ACHE: variants seen among roughly 807,000 people sequenced by gnomAD.
ACHE encodes acetylcholinesterase (Yt blood group).
Under a neutral mutation model 53.9 loss-of-function variants are expected in ACHE, and 19 were observed. The observed-to-expected ratio is 0.35, with a 90% CI of 0.25 to 0.52. ACHE has a LOEUF of 0.52. Among genes scored for constraint, ACHE ranks in the 20% least tolerant of loss-of-function variants. The pLI, the probability that ACHE is intolerant of heterozygous loss-of-function variation, is 0.95. For missense variants in ACHE, 605 were observed against 849.4 expected, an observed-to-expected ratio of 0.71 and a Z score of 3.58; for synonymous variants, 392 against 378.1, an observed-to-expected ratio of 1.04 and a Z score of -0.43.
rs759433237 is a variant in ACHE, at chr7:100,894,127, C to G, written c.106G>C (p.Asp36His). 4 of 1,491,230 alleles carry G rather than the reference C, an allele frequency of 2.7e-6. No individual in the cohort carries two copies. The highest frequency in any genetic ancestry group is 1.4e-5 in the South Asian group (1 of 73,978). 92.4% of individuals were successfully genotyped at this position (1,491,230 alleles called of 1,614,324 possible). A position where few individuals can be genotyped will look rare whatever the true frequency, so the allele number is the denominator to read the frequency against. The change falls in exon 2 of 5, where the codon GAT (aspartate) becomes CAT (histidine). Residue 36 changes from aspartate to histidine, a missense_variant. Transcript: ENST00000241069. ...GGGVGAEGRE[D>H]AELLVTVRGG... ...CGCACCGTCACCAGCAGCTCTGCAT[C>G]CTCCCGGCCCTCAGCCCCCACTCCT...
At chr7:100,891,958 TTTTTTC>T (rs1265210624) in intron 3 of ACHE, among the ~76,000 whole-genome samples, 2 of 151,944 alleles carry the variant, frequency 1.3e-5, no homozygotes, top group Non-Finnish European at 2.9e-5. Flanking sequence ...GTTTTGTATT[TTTTTTC>T]TTTTTAAGAG....
Position 100,892,185 on chromosome 7 carries a change from TTTATC to T in ACHE, c.1553+144_1553+148del. On this transcript the variant is annotated intron_variant, in intron 3 of 4. Coordinates refer to ENST00000241069, the MANE Select transcript of ACHE (RefSeq NM_000665.5). The surrounding 1 kb of genome is among the most constrained non-coding windows in gnomAD (Gnocchi z 5.2). ...TGTCTCCTTTCTTTTTCTCTCCCCT[TTTATC>T]TACTTTGTGAGCATATCCCTCTCTG... 1 of 1,027,596 alleles carries T rather than the reference TTTATC, an allele frequency of 9.7e-7. No homozygotes were observed. The highest frequency in any genetic ancestry group is 3.7e-5 in the South Asian group (1 of 27,368). The allele number at this position is 1,027,596 out of a possible 1,614,324, so 63.7% of individuals were successfully genotyped here.
rs1160862829 is a variant in ACHE at position 100,890,277 on chromosome 7, G to A, written c.1782C>T (p.Tyr594=). 5 of 1,612,106 alleles carry A rather than the reference G, an allele frequency of 3.1e-6. No individual in the cohort carries two copies. The highest frequency in any genetic ancestry group is 2.7e-5 in the African/African-American group (2 of 74,924). The stretch of plus-strand genomic sequence containing the variant: ...CGAACTGGTTCTTCCAGTGCACCAT[G>A]TAGGAGCTCCAGCGGTGGAACTCGG... ...WKAEFHRWSS[Y]MVHWKNQFDH... is the part of the protein sequence containing the mutation. Residue 594 remains tyrosine (Y), a synonymous_variant, in exon 5 of 5, where the codon TAC becomes TAT. Transcript: ENST00000241069.
chr7:100,896,653 G>A, upstream of ACHE: 1 of 304,102 alleles, frequency 3.3e-6, no homozygotes, highest in Non-Finnish European at 6.9e-6. Context: ...GGGTGGGTCT[G>A]TGCTGGTTCC....
At chr7:100,891,508 C>T (rs1790695377) in intron 3 of ACHE, among the ~76,000 whole-genome samples, 170 bp from the exon 4 acceptor site, 1 of 152,054 alleles carries the variant, frequency 6.6e-6, no homozygotes, top group African/African-American at 2.4e-5. Flanking sequence ...CTTCCTCAAG[C>T]GCTCCGTCTC....
In ACHE at chr7:100,892,956, A is replaced by G; in HGVS notation, c.1069-138T>C. 1 of 1,274,842 alleles carries G rather than the reference A, an allele frequency of 7.8e-7. No homozygotes were observed. The highest frequency in any genetic ancestry group is 1.1e-6 in the Non-Finnish European group (1 of 946,774). The allele number at this position is 1,274,842 out of a possible 1,614,324, so 79.0% of individuals were successfully genotyped here. A position where few individuals can be genotyped will look rare whatever the true frequency, so the allele number is the denominator to read the frequency against. On this transcript the variant is annotated intron_variant, in intron 2 of 4. Transcript: ENST00000241069. The surrounding 1 kb of genome is among the most constrained non-coding windows in gnomAD (Gnocchi z 5.2). The stretch of plus-strand genomic sequence containing the variant: ...CCATGGACAGAGAGAGGACGAGATC[A>G]GGGGAGGGATGCAGAGAAAGAGAAA...
In ACHE at chr7:100,893,308, C is replaced by G. The variant is rs1221868830; in HGVS notation, c.925G>C (p.Ala309Pro). Reference protein sequence around the residue: ...ELVACLRTRPAQVLVNHEWHV... With the variant: ...ELVACLRTRPPQVLVNHEWHV... ...CATTCGTGGTTCACCAGGACCTGCG[C>G]TGGTCGTGTCCGAAGGCAGGCTACC... is the stretch of plus-strand genomic sequence containing the variant. The change falls in exon 2 of 5, where the codon GCG (alanine) becomes CCG (proline). Residue 309 changes from alanine to proline, a missense_variant. By Grantham distance (27) the Ala-to-Pro change is conservative (BLOSUM62 -1). Transcript: ENST00000241069. 2.5e-6 allele frequency: 4 copies of G among 1,613,992 alleles called. No individual in the cohort carries two copies. The highest frequency in any genetic ancestry group is 3.4e-6 in the Non-Finnish European group (4 of 1,180,016).
chr7:100,896,945 G>A (rs999140827), upstream of ACHE: 1 of 151,454 alleles, frequency 6.6e-6, no homozygotes, highest in Non-Finnish European at 1.5e-5. Context: ...AGGAGCCCCC[G>A]AGACCCCGCG....
chr7:100,890,179 C>T lies in ACHE; in HGVS notation c.*35G>A. Reference sequence around the variant, plus strand: ...TAAATAGTATATACAGCTAGGGGGCCGGGCGGAGCGGAGGACATGGGGGTC... The same window carrying T: ...TAAATAGTATATACAGCTAGGGGGCTGGGCGGAGCGGAGGACATGGGGGTC... On this transcript the variant is annotated 3_prime_UTR_variant, in exon 5 of 5. Transcript: ENST00000241069. The T allele has an allele frequency of 1.9e-6, 3 of 1,611,652 alleles. No individual in the cohort carries two copies. Among genetic ancestry groups the T allele is most frequent in the East Asian group, 4.5e-5 (2 of 44,766 alleles).
intron 2 of ACHE, 38 bp downstream of exon 2, chr7:100,893,127 C>G: frequency 6.3e-7 from 1 of 1,599,090 alleles, no homozygotes; most frequent in Middle Eastern, 1.7e-4. Flanking sequence ...CGTTGGGACC[C>G]AGAGGAGCCA....
intron 3 of ACHE, 110 bp from the exon 4 acceptor site, chr7:100,891,448 C>T (rs994297675): frequency 7.4e-5 from 81 of 1,088,168 alleles, no homozygotes; most frequent in Non-Finnish European, 9.6e-5. Flanking sequence ...GAGAACCCGT[C>T]CCCTCCCTCC....
rs903399345 is a variant in ACHE at position 100,892,341 on chromosome 7, G to T, written c.1546C>A (p.Arg516Ser). The change falls in exon 3 of 5, where the codon CGC (arginine) becomes AGC (serine). Residue 516 changes from arginine to serine, a missense_variant. This residue lies in a region of ACHE where 91 missense variants were observed against 83.2 expected (regional missense o/e 1.09). Transcript: ENST00000241069. The surrounding 1 kb of genome is among the most constrained non-coding windows in gnomAD (Gnocchi z 5.2). ...TCCCTCTGCACTGCTGACCCTGTGC[G>T]GGCAAAGTTGGCCCAGTATCGCATC... ...RLMRYWANFARTGDPNEPRDP... is the reference protein window; with the variant it reads ...RLMRYWANFASTGDPNEPRDP... 2.0e-6 allele frequency: 3 copies of T among 1,511,488 alleles called. No individual in the cohort carries two copies. Among genetic ancestry groups the T allele is most frequent in the Non-Finnish European group, 2.7e-6 (3 of 1,127,946 alleles). 93.6% of individuals were successfully genotyped at this position (1,511,488 alleles called of 1,614,324 possible). A position where few individuals can be genotyped will look rare whatever the true frequency, so the allele number is the denominator to read the frequency against.
chr7:100,891,698 G>A (rs11974682), intron 3 of ACHE, among the ~76,000 whole-genome samples: 1,617 of 151,866 alleles, frequency 0.011, 14 homozygotes, highest in African/African-American at 0.036. Context: ...AGGTAAACTG[G>A]TGTGTGTGTG....
At position 100,890,197 on chromosome 7, in the gene ACHE, TGGGGGTCCCGCC is replaced by T; in HGVS notation, c.*5_*16del. 1 of 1,613,182 alleles carries T rather than the reference TGGGGGTCCCGCC, an allele frequency of 6.2e-7. No individual in the cohort carries two copies. Among genetic ancestry groups the T allele is most frequent in the Non-Finnish European group, 8.5e-7 (1 of 1,179,402 alleles). ...AGGGGGCCGGGCGGAGCGGAGGACA[TGGGGGTCCCGCC>T]GGGGTCACAGGTCTGAGCAGCGATC... On this transcript the variant is annotated 3_prime_UTR_variant, in exon 5 of 5. Coordinates refer to ENST00000241069, the MANE Select transcript of ACHE (RefSeq NM_000665.5).
intron 1 of ACHE, 107 bp from the exon 2 acceptor site, chr7:100,894,359 T>G (rs1584777254): frequency 4.4e-5 from 30 of 686,332 alleles, no homozygotes; most frequent in South Asian, 2.4e-4. Context: ...GCAGAGGAGG[T>G]GGGGCAGGTT....
In ACHE at chr7:100,893,989, C is replaced by G; in HGVS notation, c.244G>C (p.Glu82Gln). Reference protein sequence around the residue: ...PMGPRRFLPPEPKQPWSGVVD... With the variant: ...PMGPRRFLPPQPKQPWSGVVD... Reference sequence around the variant, plus strand: ...ACCCCTGACCAAGGCTGCTTGGGCTCCGGTGGCAGAAAGCGACGGGGTCCC... The same window carrying G: ...ACCCCTGACCAAGGCTGCTTGGGCTGCGGTGGCAGAAAGCGACGGGGTCCC... Residue 82 changes from glutamate (E) to glutamine (Q), a missense_variant, in exon 2 of 5, where the codon GAG becomes CAG. By Grantham distance (29) the Glu-to-Gln change is conservative (BLOSUM62 2). Around this residue, in one of 4 missense-constraint regions of ACHE, gnomAD observed 397 missense variants for 632.5 expected, o/e 0.63. Coordinates refer to ENST00000241069, the MANE Select transcript of ACHE (RefSeq NM_000665.5). 6.2e-7 allele frequency: 1 copy of G among 1,612,102 alleles called. No individual in the cohort carries two copies.
chr7:100,896,635 AC>A (rs1427641576), upstream of ACHE: 2 of 276,744 alleles, frequency 7.2e-6, no homozygotes, highest in African/African-American at 2.3e-5. Flanking sequence ...AACTTCTGGA[AC>A]CCCCGCGGGT....
In ACHE at chr7:100,892,371, G is replaced by T; in HGVS notation, c.1516C>A (p.Arg506=). The T allele has an allele frequency of 1.3e-6, 2 of 1,515,180 alleles. No individual in the cohort carries two copies. Among genetic ancestry groups the T allele is most frequent in the South Asian group, 1.3e-5 (1 of 75,578 alleles). 93.9% of individuals were successfully genotyped at this position (1,515,180 alleles called of 1,614,324 possible). A position where few individuals can be genotyped will look rare whatever the true frequency, so the allele number is the denominator to read the frequency against. ...AAGTTGGCCCAGTATCGCATCAGTC[G>T]CTGGGCGAAGATTTTCTCCTCTGCC... The part of the protein sequence containing the change: ...YTAEEKIFAQ[R]LMRYWANFAR... The change falls in exon 3 of 5, where the codon CGA becomes AGA. Residue 506 remains arginine (R), a synonymous_variant. Transcript: ENST00000241069. The surrounding 1 kb of genome is among the most constrained non-coding windows in gnomAD (Gnocchi z 5.2).
chr7:100,890,611 A>T, intron 4 of ACHE: 3 of 1,324,242 alleles, frequency 2.3e-6, no homozygotes, highest in Non-Finnish European at 2.9e-6. Context: ...CAGGAGGGGG[A>T]GGTTGGGGGA....
Sources: allele counts gnomAD v4.1 joint callset (sites outside exome capture counted in the v4.1 genomes callset), GRCh38; gene constraint gnomAD v4.1.1; regional missense constraint gnomAD v4.1.1; non-coding constraint Gnocchi (gnomAD v3.1); transcripts MANE v1.5; gene names NCBI Gene and HGNC (gene_info 2026-07-23, HGNC 2026-07-21).